Variants in ACOXL observed in about 807,000 individuals in gnomAD.
ACOXL encodes the protein acyl-coenzyme A oxidase-like protein.
A neutral mutation model predicts 71.9 loss-of-function variants in ACOXL; 70 were observed. The ratio of observed to expected loss-of-function variants is 0.97; its 90% CI spans 0.80 to 1.19. The LOEUF is 1.19. Among genes scored for constraint, ACOXL ranks in the 50% most tolerant of loss-of-function variants. ACOXL has a pLI of 0.00. For missense variants in ACOXL, 703 were observed against 736.3 expected (o/e 0.95, Z 0.52); for synonymous variants, 253 against 281.6 (o/e 0.90, Z 1.02).
chr2:110,961,886 A>G (rs765869431), intron 12 of ACOXL, among the ~76,000 whole-genome samples: 1 of 152,168 alleles, frequency 6.6e-6, no homozygotes, highest in African/African-American at 2.4e-5. Context: ...ATTCACTACC[A>G]TGAGAGCAGG....
intron 15 of ACOXL, among the ~76,000 whole-genome samples, chr2:111,047,461 G>A (rs1256956503): frequency 3.3e-5 from 5 of 152,152 alleles, no homozygotes; most frequent in African/African-American, 1.2e-4. Flanking sequence ...AGAAAACCTA[G>A]CACCTGAATT....
intron 10 of ACOXL, 47 bp from the exon 11 acceptor site, chr2:110,908,742 C>G: frequency 6.8e-7 from 1 of 1,470,844 alleles, no homozygotes; most frequent in South Asian, 1.2e-5. Context: ...GAAGTTACCT[C>G]CCGCTCCTGG....
At chr2:111,089,532 A>C (rs1288976018) in intron 16 of ACOXL, among the ~76,000 whole-genome samples, 1 of 152,224 alleles carries the variant, frequency 6.6e-6, no homozygotes, top group African/African-American at 2.4e-5. Flanking sequence ...TGACTTAACC[A>C]AGAGTCATAA....
intron 9 of ACOXL, among the ~76,000 whole-genome samples, chr2:110,830,853 A>G (rs1689746789): frequency 6.6e-6 from 1 of 152,162 alleles, no homozygotes; most frequent in African/African-American, 2.4e-5. Flanking sequence ...TTGTATTGGT[A>G]AAAACTAGAT....
intron 14 of ACOXL, among the ~76,000 whole-genome samples, chr2:111,012,597 T>C (rs1417828412): frequency 6.6e-6 from 1 of 152,126 alleles, no homozygotes; most frequent in Non-Finnish European, 1.5e-5. Context: ...TAATGCAGAG[T>C]GTATTCTATG....
intron 14 of ACOXL, among the ~76,000 whole-genome samples, chr2:111,030,810 A>G (rs926258793): frequency 3.9e-5 from 6 of 152,178 alleles, no homozygotes; most frequent in African/African-American, 1.4e-4. Context: ...GAACAAAGAA[A>G]AGTTTTACGG....
chr2:110,807,804 A>G (rs556907387), intron 9 of ACOXL, among the ~76,000 whole-genome samples: 3 of 152,222 alleles, frequency 2.0e-5, no homozygotes, highest in Admixed American at 6.5e-5. Context: ...GAAACCTAAG[A>G]TGGTCCTTCT....
intron 12 of ACOXL, among the ~76,000 whole-genome samples, chr2:110,976,529 C>T (rs1209852495): frequency 6.6e-6 from 1 of 152,180 alleles, no homozygotes; most frequent in Non-Finnish European, 1.5e-5. Flanking sequence ...ACTTGATATG[C>T]ATTTTCTGAA....
chr2:110,831,907 C>T (rs557315568), intron 9 of ACOXL, among the ~76,000 whole-genome samples: 45 of 152,034 alleles, frequency 3.0e-4, no homozygotes, highest in Non-Finnish European at 4.7e-4. Flanking sequence ...AAGTCTTACA[C>T]CTTATATAAA....
intron 12 of ACOXL, among the ~76,000 whole-genome samples, chr2:110,943,417 A>T (rs1286351039): frequency 6.6e-6 from 1 of 152,158 alleles, no homozygotes; most frequent in Non-Finnish European, 1.5e-5. Context: ...AAATCCCATT[A>T]GGGGATTTGA....
chr2:111,098,625 T>TA (rs1392930579), intron 17 of ACOXL: 2 of 152,206 alleles, frequency 1.3e-5, no homozygotes, highest in African/African-American at 4.8e-5. Context: ...AGTCTATAGT[T>TA]ATTAGTAATG....
chr2:110,919,010 C>T (rs1466036162), intron 11 of ACOXL, among the ~76,000 whole-genome samples: 2 of 152,142 alleles, frequency 1.3e-5, no homozygotes, highest in Admixed American at 1.3e-4. Context: ...CCTCAAGGAT[C>T]TAGAACCAGA....
chr2:110,960,278 C>T (rs369169989), intron 12 of ACOXL, among the ~76,000 whole-genome samples: 1 of 152,190 alleles, frequency 6.6e-6, no homozygotes, highest in Non-Finnish European at 1.5e-5. Flanking sequence ...ATCCGGAAAA[C>T]TGGAGTGATG....
intron 10 of ACOXL, among the ~76,000 whole-genome samples, chr2:110,850,230 T>A (rs1432424558): frequency 6.6e-6 from 1 of 152,144 alleles, no homozygotes; most frequent in Non-Finnish European, 1.5e-5. Context: ...ACAGAAAGTA[T>A]GAACTGTCAA....
At chr2:110,772,951 G>T (rs961630728) in intron 2 of ACOXL, among the ~76,000 whole-genome samples, 9 of 152,168 alleles carry the variant, frequency 5.9e-5, no homozygotes, top group Non-Finnish European at 1.2e-4. Flanking sequence ...TTCTTCTCAT[G>T]AGTTTTTTGA....
chr2:111,093,870 AAAC>A (rs1186946337), intron 17 of ACOXL: 2 of 198,508 alleles, frequency 1.0e-5, no homozygotes, highest in African/African-American at 4.6e-5. Flanking sequence ...TCTCAAAACA[AAAC>A]AAAACAACAA....
At chr2:110,933,237 CAT>C (rs1490872086) in intron 11 of ACOXL, among the ~76,000 whole-genome samples, 1 of 152,064 alleles carries the variant, frequency 6.6e-6, no homozygotes, top group Non-Finnish European at 1.5e-5. Flanking sequence ...CTATATATCC[CAT>C]ATGTTCTTTG....
chr2:110,990,211 CA>C (rs1263847769), intron 13 of ACOXL, among the ~76,000 whole-genome samples: 2 of 152,190 alleles, frequency 1.3e-5, no homozygotes, highest in Non-Finnish European at 2.9e-5. Context: ...CAAAGATTTT[CA>C]TCTTCAAAGT....
intron 14 of ACOXL, among the ~76,000 whole-genome samples, chr2:111,026,570 A>G (rs955164975): frequency 6.6e-6 from 1 of 151,280 alleles, no homozygotes; most frequent in African/African-American, 2.4e-5. Context: ...AGGATTTCAC[A>G]TTTTTGATGC....
Sources: gnomAD v4.1 joint callset for allele counts (sites outside exome capture counted in the v4.1 genomes callset) on GRCh38, gnomAD v4.1.1 for gene constraint, MANE v1.5 for transcripts, NCBI Gene and HGNC (gene_info 2026-07-23, HGNC 2026-07-21) for gene names.